The following RANBP17 variants were observed in gnomAD, a reference collection of about 807,000 sequenced individuals.
RANBP17 encodes the protein ran-binding protein 17.
In RANBP17, 158 loss-of-function variants were observed where a neutral mutation model predicts 141.2. The observed-to-expected ratio is 1.12, with a 90% CI of 0.98 to 1.28. The LOEUF (loss-of-function observed/expected upper bound fraction) is 1.28. Ranked by LOEUF, RANBP17 falls within the 50% of genes most tolerant of loss-of-function variation. RANBP17 has a pLI of 0.00. For synonymous variants in RANBP17, 430 were observed against 450.0 expected, an observed-to-expected ratio of 0.96 and a Z score of 0.56; for missense variants, 1,438 against 1,290.7, an observed-to-expected ratio of 1.11 and a Z score of -1.75.
At chr5:171,178,605 C>A (rs1261299242) in intron 16 of RANBP17, among the ~76,000 whole-genome samples, 3 of 152,140 alleles carry the variant, frequency 2.0e-5, no homozygotes, top group African/African-American at 7.2e-5. Flanking sequence ...CACTGTCTTC[C>A]ACAATGGTTG....
intron 14 of RANBP17, among the ~76,000 whole-genome samples, chr5:171,074,646 G>T (rs942293879): frequency 6.6e-6 from 1 of 152,004 alleles, no homozygotes; most frequent in Non-Finnish European, 1.5e-5. Context: ...TTTAATAAAG[G>T]TACATTCTGT....
chr5:171,270,209 GA>G (rs958998548), intron 25 of RANBP17, among the ~76,000 whole-genome samples: 4 of 152,076 alleles, frequency 2.6e-5, no homozygotes, highest in African/African-American at 9.7e-5. Context: ...TGTGGCTTTA[GA>G]GCTTCAAAAT....
intron 14 of RANBP17, among the ~76,000 whole-genome samples, chr5:171,039,439 GT>G (rs915526318): frequency 2.0e-5 from 3 of 150,772 alleles, no homozygotes; most frequent in Admixed American, 6.6e-5. Flanking sequence ...ATTTGTTTTT[GT>G]TTTTTTGCTT....
chr5:171,097,286 CAGG>C (rs1393287704), intron 14 of RANBP17, among the ~76,000 whole-genome samples: 1 of 152,008 alleles, frequency 6.6e-6, no homozygotes, highest in Non-Finnish European at 1.5e-5. Context: ...TGAGAAAACA[CAGG>C]AGAAGTTGGA....
chr5:171,060,308 A>C (rs1356194807), intron 14 of RANBP17, among the ~76,000 whole-genome samples: 1 of 142,238 alleles, frequency 7.0e-6, no homozygotes, highest in Non-Finnish European at 1.5e-5. Context: ...GGTTTGTCAT[A>C]GATAGCTCTT....
At chr5:171,233,232 A>G (rs2127990922) in intron 22 of RANBP17, among the ~76,000 whole-genome samples, 1 of 152,278 alleles carries the variant, frequency 6.6e-6, no homozygotes, top group Non-Finnish European at 1.5e-5. Context: ...GAAAGAAAGA[A>G]AATAGATTAG....
chr5:170,864,180 G>C (rs1055189601), intron 1 of RANBP17, among the ~76,000 whole-genome samples: 3 of 152,120 alleles, frequency 2.0e-5, no homozygotes, highest in African/African-American at 7.2e-5. Context: ...GTTAGAGTAG[G>C]CCTCATAACT....
intron 14 of RANBP17, among the ~76,000 whole-genome samples, chr5:170,991,644 G>T (rs1778517923): frequency 6.6e-6 from 1 of 151,898 alleles, no homozygotes; most frequent in Admixed American, 6.6e-5. Context: ...CACTACCCCT[G>T]GGAAATCTCA....
intron 14 of RANBP17, among the ~76,000 whole-genome samples, chr5:170,981,669 A>G (rs1777785120): frequency 6.6e-6 from 1 of 152,028 alleles, no homozygotes; most frequent in Non-Finnish European, 1.5e-5. Flanking sequence ...AAGTCCGTAA[A>G]CCTCTTTCAT....
At chr5:171,049,070 T>C (rs181567674) in intron 14 of RANBP17, among the ~76,000 whole-genome samples, 60 of 152,354 alleles carry the variant, frequency 3.9e-4, no homozygotes, top group African/African-American at 1.2e-3. Flanking sequence ...CTTTCCACAA[T>C]GGCTGAACTA....
chr5:170,905,649 G>A (rs1214021873), intron 5 of RANBP17, among the ~76,000 whole-genome samples: 5 of 152,050 alleles, frequency 3.3e-5, no homozygotes, highest in African/African-American at 1.2e-4. Context: ...TGTCAGCAGG[G>A]ATATTATGAC....
At chr5:170,983,017 T>C (rs781107388) in intron 14 of RANBP17, 2 of 452,562 alleles carry the variant, frequency 4.4e-6, no homozygotes, top group South Asian at 1.8e-5. Context: ...TAAAGACCTT[T>C]TCACTCAGAC....
At chr5:170,983,340 TG>T in intron 14 of RANBP17, 1 of 243,864 alleles carries the variant, frequency 4.1e-6, no homozygotes, top group Non-Finnish European at 8.0e-6. Context: ...TTTACAGATC[TG>T]GAATAGTGTT....
At chr5:170,997,168 C>G (rs1359464827) in intron 14 of RANBP17, among the ~76,000 whole-genome samples, 4 of 152,138 alleles carry the variant, frequency 2.6e-5, no homozygotes, top group African/African-American at 9.7e-5. Flanking sequence ...GAAGAACTTG[C>G]ATTGTTTCCC....
intron 1 of RANBP17, among the ~76,000 whole-genome samples, chr5:170,876,593 T>C (rs1250431834): frequency 6.6e-6 from 1 of 152,182 alleles, no homozygotes; most frequent in East Asian, 1.9e-4. Context: ...TTTGGACTTC[T>C]GTGTTTACTC....
intron 22 of RANBP17, among the ~76,000 whole-genome samples, chr5:171,226,782 C>CT (rs1763907933): frequency 1.3e-5 from 2 of 152,276 alleles, no homozygotes; most frequent in Non-Finnish European, 2.9e-5. Flanking sequence ...AAAAAAGAGG[C>CT]TGAAAATCAC....
intron 12 of RANBP17, 172 bp downstream of exon 12, chr5:170,924,722 AT>A (rs567998381): frequency 0.1 from 35,671 of 346,164 alleles, 2 homozygotes; most frequent in East Asian, 0.15. Flanking sequence ...TTGTTGGTTG[AT>A]TTTTTTTTTT....
At chr5:171,067,284 G>T (rs1024216520) in intron 14 of RANBP17, among the ~76,000 whole-genome samples, 1 of 152,012 alleles carries the variant, frequency 6.6e-6, no homozygotes, top group Non-Finnish European at 1.5e-5. Context: ...CTCATATCTA[G>T]CTCTGTCCCC....
At chr5:170,933,015 A>G (rs1296061119) in intron 12 of RANBP17, among the ~76,000 whole-genome samples, 1 of 152,186 alleles carries the variant, frequency 6.6e-6, no homozygotes, top group African/African-American at 2.4e-5. Context: ...CCTCTGGTAG[A>G]ATTCGGCTGT....
Sources: allele counts gnomAD v4.1 joint callset (sites outside exome capture counted in the v4.1 genomes callset), GRCh38; gene constraint gnomAD v4.1.1; transcripts MANE v1.5; gene names NCBI Gene and HGNC (gene_info 2026-07-23, HGNC 2026-07-21).